ANO10: variants seen among roughly 807,000 people sequenced by gnomAD.
The protein encoded by ANO10 is anoctamin 10.
A neutral mutation model predicts 74.7 loss-of-function variants in ANO10; 77 were observed. The observed-to-expected ratio is 1.03, with a 90% CI of 0.86 to 1.25. ANO10 has a LOEUF of 1.25. Ranked by LOEUF, ANO10 falls within the 50% of genes most tolerant of loss-of-function variation. The pLI, the probability that ANO10 is intolerant of heterozygous loss-of-function variation, is 0.00. For synonymous variants in ANO10, 279 were observed against 284.9 expected, an observed-to-expected ratio of 0.98 and a Z score of 0.21; for missense variants, 721 against 778.1, an observed-to-expected ratio of 0.93 and a Z score of 0.87.
chr3:43,561,070 C>T (rs760705015), intron 9 of ANO10, 150 bp downstream of exon 9: 3 of 922,896 alleles, frequency 3.3e-6, no homozygotes, highest in Non-Finnish European at 5.2e-6. Flanking sequence ...ATCCCTTTCA[C>T]TTTAAAGTGG....
chr3:43,504,300 G>GTAGGTAGGTAGATAGA (rs71083075), intron 11 of ANO10, among the ~76,000 whole-genome samples: 459 of 139,800 alleles, frequency 3.3e-3, no homozygotes, highest in Middle Eastern at 7.2e-3. Context: ...AGGTAGGTAG[G>GTAGGTAGGTAGATAGA]TAGATAGATA....
At chr3:43,604,001 A>G (rs745568282) in intron 2 of ANO10, among the ~76,000 whole-genome samples, 17 of 152,148 alleles carry the variant, frequency 1.1e-4, no homozygotes, top group Non-Finnish European at 2.1e-4. Context: ...GCCAAAAACC[A>G]TGCATCTGAC....
intron 1 of ANO10, among the ~76,000 whole-genome samples, chr3:43,629,909 T>G (rs1335033058): frequency 6.6e-6 from 1 of 152,180 alleles, no homozygotes; most frequent in Non-Finnish European, 1.5e-5. Context: ...GAAAATGATA[T>G]TTGATGCTAT....
intron 7 of ANO10, among the ~76,000 whole-genome samples, chr3:43,566,241 C>T (rs879277180): frequency 1.6e-4 from 24 of 152,230 alleles, no homozygotes; most frequent in African/African-American, 4.3e-4. Flanking sequence ...AACTGCAAGG[C>T]GGCAGCGAGG....
intron 9 of ANO10, among the ~76,000 whole-genome samples, chr3:43,556,773 C>T (rs2079772357): frequency 6.6e-6 from 1 of 151,974 alleles, no homozygotes; most frequent in Non-Finnish European, 1.5e-5. Flanking sequence ...ACATAACACA[C>T]AATGGTGAGA....
intron 11 of ANO10, among the ~76,000 whole-genome samples, chr3:43,447,498 C>T (rs2148985024): frequency 6.6e-6 from 1 of 152,206 alleles, no homozygotes; most frequent in South Asian, 2.1e-4. Context: ...CCGCCATTTG[C>T]ATTTTGCTTT....
intron 11 of ANO10, among the ~76,000 whole-genome samples, chr3:43,502,935 A>G (rs1575280711): frequency 1.3e-5 from 2 of 152,334 alleles, no homozygotes; most frequent in East Asian, 3.9e-4. Context: ...GGTGGAGGGG[A>G]TAATAGGGAG....
intron 12 of ANO10, among the ~76,000 whole-genome samples, chr3:43,412,609 G>A (rs576952891): frequency 1.3e-5 from 2 of 152,160 alleles, no homozygotes; most frequent in African/African-American, 2.4e-5. Flanking sequence ...ATAACTTCTC[G>A]TTCACAGTCA....
At chr3:43,601,940 G>C (rs1416142180) in intron 2 of ANO10, among the ~76,000 whole-genome samples, 1 of 152,156 alleles carries the variant, frequency 6.6e-6, no homozygotes, top group Non-Finnish European at 1.5e-5. Context: ...CACACCTTAA[G>C]ATCCTTCCCC....
intron 12 of ANO10, among the ~76,000 whole-genome samples, chr3:43,430,394 T>C (rs934989566): frequency 1.3e-5 from 2 of 151,998 alleles, no homozygotes; most frequent in African/African-American, 2.4e-5. Context: ...AGACTTTTAA[T>C]AGACTTCTTA....
intron 12 of ANO10, among the ~76,000 whole-genome samples, chr3:43,391,507 C>T (rs976098151): frequency 2.0e-5 from 3 of 152,188 alleles, no homozygotes; most frequent in African/African-American, 7.2e-5. Flanking sequence ...CCTGTGCCTC[C>T]TGGGATTCAC....
chr3:43,559,623 G>T (rs2079929012), intron 9 of ANO10, among the ~76,000 whole-genome samples: 1 of 152,080 alleles, frequency 6.6e-6, no homozygotes, highest in Non-Finnish European at 1.5e-5. Flanking sequence ...GGTGACAGAA[G>T]GCCTCCAAAG....
chr3:43,572,603 G>C (rs1318337692), intron 7 of ANO10, among the ~76,000 whole-genome samples: 1 of 152,152 alleles, frequency 6.6e-6, no homozygotes, highest in Non-Finnish European at 1.5e-5. Context: ...GAAGCAGGCT[G>C]GGTGAAGGGG....
At chr3:43,604,690 G>T (rs935734514) in intron 2 of ANO10, among the ~76,000 whole-genome samples, 5 of 152,062 alleles carry the variant, frequency 3.3e-5, no homozygotes, top group African/African-American at 1.2e-4. Flanking sequence ...AAAAAGTGTG[G>T]AAAGATGCCC....
At chr3:43,660,209 C>A (rs1214322294) in intron 1 of ANO10, among the ~76,000 whole-genome samples, 1 of 152,106 alleles carries the variant, frequency 6.6e-6, no homozygotes. Context: ...GAACACAACT[C>A]CTCGCCAGCA....
At chr3:43,404,822 G>A (rs1004857702) in intron 12 of ANO10, among the ~76,000 whole-genome samples, 2 of 135,098 alleles carry the variant, frequency 1.5e-5, no homozygotes, top group Admixed American at 1.7e-4. Flanking sequence ...AGTTGAGGCT[G>A]CAATGAGCCA....
At chr3:43,525,922 T>C (rs900500405) in intron 11 of ANO10, among the ~76,000 whole-genome samples, 9 of 152,252 alleles carry the variant, frequency 5.9e-5, no homozygotes, top group African/African-American at 1.7e-4. Flanking sequence ...GCTGCCACTG[T>C]AGTGTACCAA....
intron 11 of ANO10, among the ~76,000 whole-genome samples, chr3:43,526,148 A>G (rs2078186567): frequency 6.6e-6 from 1 of 152,248 alleles, no homozygotes; most frequent in Admixed American, 6.5e-5. Flanking sequence ...TTACTTCTTT[A>G]GTCAGGGACA....
At chr3:43,475,556 C>G (rs1450392671) in intron 11 of ANO10, among the ~76,000 whole-genome samples, 1 of 152,028 alleles carries the variant, frequency 6.6e-6, no homozygotes, top group Non-Finnish European at 1.5e-5. Flanking sequence ...TTTCTACTGG[C>G]AAAAAATGCC....
Sources: gnomAD v4.1 joint callset for allele counts (sites outside exome capture counted in the v4.1 genomes callset) on GRCh38, gnomAD v4.1.1 for gene constraint, MANE v1.5 for transcripts, NCBI Gene and HGNC (gene_info 2026-07-23, HGNC 2026-07-21) for gene names.